The following MYO5C variants were observed in gnomAD, a reference collection of about 807,000 sequenced individuals.
The protein encoded by MYO5C is unconventional myosin-Vc.
MYO5C carries 194 observed loss-of-function variants against 235.7 expected under a neutral mutation model. The observed-to-expected ratio is 0.82, with a 90% CI of 0.73 to 0.93. The LOEUF is 0.93. Among genes scored for constraint, MYO5C ranks in the 40% least tolerant of loss-of-function variants. MYO5C has a pLI of 0.00. For missense variants in MYO5C, 2,038 were observed against 2,127.2 expected (o/e 0.96, Z 0.82); for synonymous variants, 707 against 754.8 (o/e 0.94, Z 1.04).
At chr15:52,280,030 T>C (rs546576255) in intron 2 of MYO5C, among the ~76,000 whole-genome samples, 67 of 152,266 alleles carry the variant, frequency 4.4e-4, no homozygotes, top group Non-Finnish European at 8.8e-4. Context: ...CATTCCTGAA[T>C]CTCCCACCAG....
intron 30 of MYO5C, 44 bp downstream of exon 30, chr15:52,221,118 A>G (rs758752130): frequency 6.7e-7 from 1 of 1,481,546 alleles, no homozygotes; most frequent in Non-Finnish European, 9.4e-7. Flanking sequence ...TCCGGGGTAC[A>G]GGAAACCGTT....
chr15:52,290,751 A>C (rs1289748487), intron 1 of MYO5C, among the ~76,000 whole-genome samples: 1 of 152,230 alleles, frequency 6.6e-6, no homozygotes, highest in African/African-American at 2.4e-5. Flanking sequence ...AGCAGATGAA[A>C]TGATTGATTA....
chr15:52,270,603 C>G lies in MYO5C; in HGVS notation c.833-743G>C, dbSNP rs537099772. Among the ~76,000 whole-genome samples the G allele has an allele frequency of 2.3e-4, 35 of 150,730 alleles. 1 individual carries two copies. In the South Asian group the frequency reaches 7.1e-3, roughly 31 times the overall value. ...CTACATATATATGTATATATACACA[C>G]ACATTTATATATGTATATATAAATG... On this transcript the variant is annotated intron_variant, in intron 7 of 40. Transcript: ENST00000261839.
At chr15:52,212,257 C>T (rs1319295873) in intron 34 of MYO5C, among the ~76,000 whole-genome samples, 1 of 152,176 alleles carries the variant, frequency 6.6e-6, no homozygotes, top group Non-Finnish European at 1.5e-5. Context: ...TCCACAGTCA[C>T]ATGAAGCTGC....
intron 35 of MYO5C, among the ~76,000 whole-genome samples, chr15:52,210,023 G>A (rs886967280): frequency 5.3e-5 from 8 of 152,110 alleles, no homozygotes; most frequent in Non-Finnish European, 1.0e-4. Context: ...GAGTGCAGTG[G>A]TGTGATCTTG....
chr15:52,278,409 G>A (rs1271354669), intron 4 of MYO5C, among the ~76,000 whole-genome samples: 1 of 152,050 alleles, frequency 6.6e-6, no homozygotes. Flanking sequence ...ATGTGCACTA[G>A]TGAAACGAGA....
At chr15:52,273,163 TA>T (rs555107710) in intron 5 of MYO5C, among the ~76,000 whole-genome samples, 8 of 149,800 alleles carry the variant, frequency 5.3e-5, no homozygotes, top group African/African-American at 1.5e-4. Context: ...CTACAAAACA[TA>T]AAAAAAAAAT....
At chr15:52,247,415 G>A in intron 15 of MYO5C, 43 bp downstream of exon 15, 1 of 1,604,234 alleles carries the variant, frequency 6.2e-7, no homozygotes, top group Admixed American at 1.7e-5. Context: ...CCAGGGCCTG[G>A]CCCTGCCTTT....
rs774294011 is a variant in MYO5C at position 52,241,998 on chromosome 15, T to G, written c.2556+50A>C. 3.3e-6 allele frequency: 5 copies of G among 1,537,660 alleles called. No homozygotes were observed. The African/African-American group carries it at 5.5e-5, about 17-fold the overall frequency. On this transcript the variant is annotated intron_variant, in intron 20 of 40. Transcript: ENST00000261839. The stretch of plus-strand genomic sequence containing the variant: ...TCCCTGGGCCCTGTTTTGTTCTCAG[T>G]AAGGAAGGCCCGTACACCCTCCCTT...
intron 4 of MYO5C, 69 bp downstream of exon 4, chr15:52,278,804 C>A: frequency 6.3e-7 from 1 of 1,578,462 alleles, no homozygotes. Context: ...CTCCCCTCCA[C>A]TGTGATGGTC....
At position 52,246,014 on chromosome 15, in the gene MYO5C, G is replaced by A; in HGVS notation, c.2008C>T (p.Leu670=). 6.2e-7 allele frequency: 1 copy of A among 1,614,140 alleles called. No homozygotes were observed. The highest frequency in any genetic ancestry group is 8.5e-7 in the Non-Finnish European group (1 of 1,179,996). The change falls in exon 17 of 41, where the codon CTG becomes TTG. Residue 670 remains leucine (L), a synonymous_variant. Coordinates refer to ENST00000261839, the MANE Select transcript of MYO5C (RefSeq NM_018728.4). ...EFDSKRIVQQ[L]RACGVLETIR... ...GTTTCTAAAACGCCGCAGGCTCGCA[G>A]CTGCTGAACAATTCTTTTGGAGTCA... is the stretch of plus-strand genomic sequence containing the variant.
chr15:52,213,518 G>A (rs539353962), intron 33 of MYO5C: 39 of 415,094 alleles, frequency 9.4e-5, no homozygotes, highest in African/African-American at 6.2e-4. Flanking sequence ...ATTATCCTTT[G>A]AAGAGCCTTA....
chr15:52,282,680 T>G (rs2037183774), intron 2 of MYO5C, 102 bp downstream of exon 2: 1 of 800,098 alleles, frequency 1.2e-6, no homozygotes, highest in Non-Finnish European at 2.2e-6. Flanking sequence ...TCGTGCGCCC[T>G]CCCCTGGGTG....
At position 52,232,672 on chromosome 15, in the gene MYO5C, G is replaced by A. The variant is rs749014907; in HGVS notation, c.2976C>T (p.Asn992=). 6.2e-7 allele frequency: 1 copy of A among 1,613,728 alleles called. No individual in the cohort carries two copies. The highest frequency in any genetic ancestry group is 1.1e-5 in the South Asian group (1 of 91,058). Residue 992 remains asparagine (N), a synonymous_variant, in exon 24 of 41, where the codon AAC becomes AAT. Coordinates refer to ENST00000261839, the MANE Select transcript of MYO5C (RefSeq NM_018728.4). ...CATCATCAAAGAGCTGCTTGGTGAG[G>A]TTGTCCATTTTTTCTGTAAAAAGAG... ...KTEELKEKMD[N]LTKQLFDDVQ... is the part of the protein sequence containing the mutation.
At chr15:52,237,355 A>T in intron 22 of MYO5C, 127 bp downstream of exon 22, 1 of 1,168,812 alleles carries the variant, frequency 8.6e-7, no homozygotes, top group Non-Finnish European at 1.2e-6. Context: ...TCCCTTTGGT[A>T]ATGGAAGTTG....
At chr15:52,236,601 G>A (rs760797359) in intron 22 of MYO5C, among the ~76,000 whole-genome samples, 12 of 152,128 alleles carry the variant, frequency 7.9e-5, no homozygotes, top group Non-Finnish European at 1.6e-4. Flanking sequence ...GCTTGAACCC[G>A]GGAGGTGGAG....
chr15:52,205,782 A>G (rs377626768), intron 37 of MYO5C, 34 bp downstream of exon 37: 13 of 1,345,162 alleles, frequency 9.7e-6, no homozygotes, highest in African/African-American at 2.9e-5. Flanking sequence ...TAATGTTACT[A>G]TAAATATTTT....
rs772766376 is a variant in MYO5C at position 52,260,917 on chromosome 15, C to T, written c.1258G>A (p.Ala420Thr). 2 of 1,614,212 alleles carry T rather than the reference C, an allele frequency of 1.2e-6. No homozygotes were observed. The highest frequency in any genetic ancestry group is 1.7e-6 in the Non-Finnish European group (2 of 1,180,046). Residue 420 changes from alanine to threonine, a missense_variant, in exon 10 of 41, where the codon GCG (alanine) becomes ACG (threonine). Ala to Thr is a moderately conservative substitution (Grantham distance 58). Transcript: ENST00000261839. The stretch of plus-strand genomic sequence containing the variant: ...TGCTGCTTGCCTGAAAACTGCAACG[C>T]TTGGTTAATTCTCTCCACAATGAAG... ...FDFIVERINQ[A>T]LQFSGKQHTF...
At chr15:52,236,397 G>C (rs1337683892) in intron 22 of MYO5C, among the ~76,000 whole-genome samples, 7 of 152,204 alleles carry the variant, frequency 4.6e-5, no homozygotes, top group Non-Finnish European at 5.9e-5. Flanking sequence ...GCAGAGGCTG[G>C]GCACGGTGGC....
Sources: allele counts gnomAD v4.1 joint callset (sites outside exome capture counted in the v4.1 genomes callset), GRCh38; gene constraint gnomAD v4.1.1; transcripts MANE v1.5; gene names NCBI Gene and HGNC (gene_info 2026-07-23, HGNC 2026-07-21).